The following SLIT3 variants were observed in gnomAD, a reference collection of about 807,000 sequenced individuals.
SLIT3 encodes slit guidance ligand 3, also known as slit homolog 3 protein.
SLIT3 carries 68 observed loss-of-function variants against 184.0 expected under a neutral mutation model. The ratio of observed to expected loss-of-function variants is 0.37; its 90% CI spans 0.30 to 0.45. The LOEUF (loss-of-function observed/expected upper bound fraction) is 0.45. Ranked by LOEUF, SLIT3 falls within the 20% of genes least tolerant of loss-of-function variation. SLIT3 has a pLI of 1.00. For missense variants in SLIT3, 1,707 were observed against 2,026.0 expected, an observed-to-expected ratio of 0.84 and a Z score of 3.02; for synonymous variants, 831 against 828.6, an observed-to-expected ratio of 1.00 and a Z score of -0.05.
At position 169,080,637 on chromosome 5, in the gene SLIT3, G is replaced by GTT. The variant is rs139005435; in HGVS notation, c.413+112840_413+112841dup. Among the ~76,000 whole-genome samples, 696 of 151,786 alleles carry GTT rather than the reference G, an allele frequency of 4.6e-3. 5 individuals carry two copies. The highest frequency in any genetic ancestry group is 0.014 in the Middle Eastern group (4 of 292). ...CCTCCTTAACACCTCTGAGGAAGCT[G>GTT]TTTTTTTTGCAAACCTGGCCTCTTC... is the stretch of plus-strand genomic sequence containing the variant. On this transcript the variant is annotated intron_variant, in intron 4 of 35. Coordinates refer to ENST00000519560, the MANE Select transcript of SLIT3 (RefSeq NM_003062.4).
intron 1 of SLIT3, among the ~76,000 whole-genome samples, chr5:169,285,736 T>A (rs1767132627): frequency 6.6e-6 from 1 of 152,198 alleles, no homozygotes; most frequent in African/African-American, 2.4e-5. Flanking sequence ...AGGTCACATG[T>A]GTAGACACCC....
intron 4 of SLIT3, among the ~76,000 whole-genome samples, chr5:168,934,812 A>G (rs768200208): frequency 2.0e-5 from 3 of 151,992 alleles, no homozygotes; most frequent in African/African-American, 4.8e-5. Context: ...TGCTTTATGC[A>G]TGTTACCTCA....
rs1387964892 is a variant in SLIT3, at chr5:169,249,866, G to C, written c.269+1522C>G. Among the ~76,000 whole-genome samples, 3 of 152,250 alleles carry C rather than the reference G, an allele frequency of 2.0e-5. No individual in the cohort carries two copies. The East Asian group carries it at 5.8e-4, about 29-fold the overall frequency. ...TGAGGGTGGTGAGAGGAGAGTGTTT[G>C]AGACCAAAGACGGAGAACATGTCGG... is the stretch of plus-strand genomic sequence containing the variant. On this transcript the variant is annotated intron_variant, in intron 2 of 35. Coordinates refer to ENST00000519560, the MANE Select transcript of SLIT3 (RefSeq NM_003062.4).
At chr5:168,923,325 A>G (rs1761703083) in intron 4 of SLIT3, among the ~76,000 whole-genome samples, 1 of 151,912 alleles carries the variant, frequency 6.6e-6, no homozygotes, top group South Asian at 2.1e-4. Context: ...CAACCACCAA[A>G]TTCTAGCATT....
At chr5:169,009,198 T>G (rs948846795) in intron 4 of SLIT3, among the ~76,000 whole-genome samples, 1 of 152,086 alleles carries the variant, frequency 6.6e-6, no homozygotes, top group Non-Finnish European at 1.5e-5. Context: ...AGAAGATGGT[T>G]TTCCTCCTCT....
At position 169,075,794 on chromosome 5, in the gene SLIT3, A is replaced by G. The variant is rs112658249; in HGVS notation, c.413+117685T>C. On this transcript the variant is annotated intron_variant, in intron 4 of 35. Coordinates refer to ENST00000519560, the MANE Select transcript of SLIT3 (RefSeq NM_003062.4). Reference sequence around the variant, plus strand: ...CTTCTGTGCTTCTCTTTCGGATTTCATCTAGTACTTTCTCCAGCCATGCTA... The same window carrying G: ...CTTCTGTGCTTCTCTTTCGGATTTCGTCTAGTACTTTCTCCAGCCATGCTA... 9.8e-3 allele frequency among the ~76,000 whole-genome samples: 1,492 copies of G among 152,336 alleles called. 9 individuals are homozygous for G. Among genetic ancestry groups the G allele is most frequent in the East Asian group, 0.038 (198 of 5,190 alleles).
intron 8 of SLIT3, among the ~76,000 whole-genome samples, chr5:168,806,883 T>C (rs569725404): frequency 4.2e-4 from 64 of 152,284 alleles, no homozygotes; most frequent in Middle Eastern, 6.8e-3. Flanking sequence ...CATGAAAATA[T>C]GCTGCCAGAA....
intron 4 of SLIT3, among the ~76,000 whole-genome samples, chr5:168,969,906 G>A (rs1309661765): frequency 6.6e-6 from 1 of 152,260 alleles, no homozygotes; most frequent in East Asian, 1.9e-4. Context: ...ACAAGGCTGG[G>A]CGCAGTGGCT....
chr5:169,298,105 C>A (rs1767568070), intron 1 of SLIT3, among the ~76,000 whole-genome samples: 1 of 152,098 alleles, frequency 6.6e-6, no homozygotes, highest in African/African-American at 2.4e-5. Context: ...CTGCAGTGAA[C>A]CTGACCCAGC....
intron 5 of SLIT3, among the ~76,000 whole-genome samples, chr5:168,869,040 A>C (rs1166068939): frequency 6.6e-6 from 1 of 152,206 alleles, no homozygotes; most frequent in East Asian, 1.9e-4. Flanking sequence ...AGTATGTTTA[A>C]GAGGGGACCT....
At position 168,954,202 on chromosome 5, in the gene SLIT3, C is replaced by T. The variant is rs116108190; in HGVS notation, c.414-70866G>A. ...TGGGCAGGTTACTTACCCTCCTGAA[C>T]CCTAACCACTTAGCGACAAACTGGG... On this transcript the variant is annotated intron_variant, in intron 4 of 35. Transcript: ENST00000519560. 6.2e-3 allele frequency among the ~76,000 whole-genome samples: 940 copies of T among 152,208 alleles called. 11 individuals carry two copies. Among genetic ancestry groups the T allele is most frequent in the African/African-American group, 0.022 (896 of 41,530 alleles).
intron 1 of SLIT3, among the ~76,000 whole-genome samples, chr5:169,258,698 A>C (rs956436807): frequency 2.6e-5 from 4 of 152,246 alleles, no homozygotes; most frequent in Non-Finnish European, 4.4e-5. Context: ...AGAAGAATTC[A>C]GAACAACACT....
At chr5:168,784,544 A>G (rs932762895) in intron 12 of SLIT3, among the ~76,000 whole-genome samples, 7 of 152,208 alleles carry the variant, frequency 4.6e-5, no homozygotes, top group African/African-American at 1.2e-4. Flanking sequence ...GCACGCCTAC[A>G]TAATTCACAT....
At chr5:168,853,377 A>G (rs1414601123) in intron 5 of SLIT3, among the ~76,000 whole-genome samples, 1 of 152,212 alleles carries the variant, frequency 6.6e-6, no homozygotes, top group Non-Finnish European at 1.5e-5. Context: ...ACTTCCAACT[A>G]ATAACCAATC....
chr5:168,970,510 A>C (rs1452568572), intron 4 of SLIT3, among the ~76,000 whole-genome samples: 7 of 151,656 alleles, frequency 4.6e-5, no homozygotes, highest in Non-Finnish European at 7.4e-5. Context: ...AAAAAAAAAA[A>C]AAAAACAAAG....
intron 25 of SLIT3, among the ~76,000 whole-genome samples, chr5:168,709,174 C>A (rs1449913424): frequency 6.6e-6 from 1 of 151,290 alleles, no homozygotes; most frequent in Non-Finnish European, 1.5e-5. Flanking sequence ...TTTCGGCTCA[C>A]AGCAACCTCC....
intron 3 of SLIT3, among the ~76,000 whole-genome samples, chr5:169,244,198 T>C (rs1181751423): frequency 6.6e-6 from 1 of 152,218 alleles, no homozygotes; most frequent in East Asian, 1.9e-4. Context: ...AGGCTGATGC[T>C]CACTCACAGG....
intron 4 of SLIT3, among the ~76,000 whole-genome samples, chr5:168,980,742 G>A (rs1263680155): frequency 6.6e-6 from 1 of 152,226 alleles, no homozygotes; most frequent in African/African-American, 2.4e-5. Context: ...ATTGATAACA[G>A]CAGAAGTTTG....
intron 4 of SLIT3, among the ~76,000 whole-genome samples, chr5:168,986,213 G>A (rs1755122426): frequency 6.6e-6 from 1 of 152,110 alleles, no homozygotes; most frequent in African/African-American, 2.4e-5. Flanking sequence ...TAGATGCTAA[G>A]TAGGCAAATT....
Sources: allele counts gnomAD v4.1 joint callset (sites outside exome capture counted in the v4.1 genomes callset), GRCh38; gene constraint gnomAD v4.1.1; transcripts MANE v1.5; gene names NCBI Gene and HGNC (gene_info 2026-07-23, HGNC 2026-07-21).